EPS15: variants seen among roughly 807,000 people sequenced by gnomAD.
EPS15 encodes epidermal growth factor receptor substrate 15.
In EPS15, 72 loss-of-function variants were observed where a neutral mutation model predicts 113.8. The observed-to-expected ratio is 0.63, with a 90% confidence interval of 0.52 to 0.77. The LOEUF (loss-of-function observed/expected upper bound fraction) is 0.77. Among genes scored for constraint, EPS15 ranks in the 30% least tolerant of loss-of-function variants. The pLI is 0.00. For missense variants in EPS15, 1,048 were observed against 1,045.8 expected (o/e 1.00, Z -0.03); for synonymous variants, 344 against 363.4 (o/e 0.95, Z 0.61).
chr1:51,395,793 C>A (rs1047690621), intron 20 of EPS15, among the ~76,000 whole-genome samples: 5 of 152,126 alleles, frequency 3.3e-5, no homozygotes, highest in Admixed American at 6.5e-5. Context: ...AAAGACTTGG[C>A]AAACAGGTAA....
chr1:51,509,081 G>C (rs1052831101), intron 1 of EPS15, among the ~76,000 whole-genome samples: 3 of 152,024 alleles, frequency 2.0e-5, no homozygotes, highest in African/African-American at 7.2e-5. Context: ...GAAAGTCAGT[G>C]TTTATCTCCC....
chr1:51,473,832 A>C (rs963205912), intron 2 of EPS15, among the ~76,000 whole-genome samples: 1 of 152,232 alleles, frequency 6.6e-6, no homozygotes, highest in African/African-American at 2.4e-5. Flanking sequence ...GCAAAAGGGA[A>C]AACCTTTCTT....
At chr1:51,388,204 C>T (rs1371229364) in intron 21 of EPS15, among the ~76,000 whole-genome samples, 1 of 152,198 alleles carries the variant, frequency 6.6e-6, no homozygotes, top group African/African-American at 2.4e-5. Context: ...ACTGAACAAC[C>T]TGCTCCTGAA....
chr1:51,355,179 G>A lies in EPS15; in HGVS notation c.*1521C>T, dbSNP rs1449403151. On this transcript the variant is annotated 3_prime_UTR_variant, in exon 25 of 25. Coordinates refer to ENST00000371733, the MANE Select transcript of EPS15 (RefSeq NM_001981.3). ...AGTGGTTTAAAGTTTGTTTTAAACTGTAGGAGTCTAATTGTGTAATGGAAA... is the reference window on the plus strand; with the variant it reads ...AGTGGTTTAAAGTTTGTTTTAAACTATAGGAGTCTAATTGTGTAATGGAAA... The A allele has an allele frequency of 4.6e-6, 1 of 218,402 alleles. No homozygotes were observed. Among genetic ancestry groups the A allele is most frequent in the African/African-American group, 2.2e-5 (1 of 44,506 alleles). The allele number at this position is 218,402 out of a possible 1,614,324, so 13.5% of individuals were successfully genotyped here.
rs775586523 is a variant in EPS15 at position 51,356,809 on chromosome 1, C to T, written c.2582G>A (p.Arg861Lys). Residue 861 changes from arginine to lysine, a missense_variant, in exon 25 of 25, where the codon AGG becomes AAG. Transcript: ENST00000371733. Reference sequence around the variant, plus strand: ...CTGCTCTTCCTCTCTCTCACTTTCCCTCTTGGCCCATTCGATCATATCTTC... The same window carrying T: ...CTGCTCTTCCTCTCTCTCACTTTCCTTCTTGGCCCATTCGATCATATCTTC... ...SEEDMIEWAK[R>K]ESEREEEQRL... The T allele has an allele frequency of 1.2e-6, 2 of 1,613,808 alleles. No homozygotes were observed. The highest frequency in any genetic ancestry group is 2.2e-5 in the South Asian group (2 of 91,050).
intron 21 of EPS15, among the ~76,000 whole-genome samples, chr1:51,376,117 A>G (rs938788106): frequency 1.3e-5 from 2 of 152,224 alleles, no homozygotes; most frequent in African/African-American, 4.8e-5. Flanking sequence ...AGAGAAGTCA[A>G]TGTCTGGCTT....
At chr1:51,384,408 C>T (rs1325864328) in intron 21 of EPS15, among the ~76,000 whole-genome samples, 1 of 150,342 alleles carries the variant, frequency 6.7e-6, no homozygotes, top group Admixed American at 6.7e-5. Context: ...TCAAGTGATC[C>T]TCCCACCTCA....
At chr1:51,442,654 G>T (rs904128208) in intron 11 of EPS15, among the ~76,000 whole-genome samples, 2 of 152,120 alleles carry the variant, frequency 1.3e-5, no homozygotes, top group East Asian at 3.8e-4. Context: ...AGAGAGCCTA[G>T]GGAAGGCAGA....
At chr1:51,367,600 G>A (rs1320181929) in intron 21 of EPS15, among the ~76,000 whole-genome samples, 1 of 152,054 alleles carries the variant, frequency 6.6e-6, no homozygotes, top group Non-Finnish European at 1.5e-5. Flanking sequence ...ACAGGCCTGA[G>A]AAGTTGTTTC....
At chr1:51,395,321 A>T (rs775478741) in intron 20 of EPS15, among the ~76,000 whole-genome samples, 21 of 152,224 alleles carry the variant, frequency 1.4e-4, no homozygotes, top group Non-Finnish European at 3.1e-4. Context: ...AGATTTTATT[A>T]GATTTCACCA....
intron 1 of EPS15, among the ~76,000 whole-genome samples, chr1:51,504,799 G>A (rs1644469857): frequency 6.6e-6 from 1 of 152,146 alleles, no homozygotes; most frequent in African/African-American, 2.4e-5. Context: ...TACACTGCTG[G>A]TACAAATATA....
intron 1 of EPS15, among the ~76,000 whole-genome samples, chr1:51,495,101 A>G (rs563406150): frequency 6.6e-6 from 1 of 152,236 alleles, no homozygotes; most frequent in Non-Finnish European, 1.5e-5. Context: ...CTTTATAATC[A>G]TCTTAGTTCT....
In EPS15 at chr1:51,400,957, T is replaced by C; in HGVS notation, c.1883-4A>G. 1 of 1,576,978 alleles carries C rather than the reference T, an allele frequency of 6.3e-7. No homozygotes were observed. Among genetic ancestry groups the C allele is most frequent in the Admixed American group, 1.8e-5 (1 of 55,036 alleles). ...GGATCATCCTTGAAAGGATCACCTG[T>C]GATAAAATAAACACAAAGAAATCCA... is the stretch of plus-strand genomic sequence containing the variant. On this transcript the variant is annotated splice_polypyrimidine_tract_variant and splice_region_variant and intron_variant, in intron 18 of 24. Coordinates refer to ENST00000371733, the MANE Select transcript of EPS15 (RefSeq NM_001981.3).
At chr1:51,400,987 A>C (rs767152370) in intron 18 of EPS15, 34 bp from the exon 19 acceptor site, 35 of 1,454,146 alleles carry the variant, frequency 2.4e-5, no homozygotes, top group Non-Finnish European at 3.2e-5. Context: ...AATCCAAATA[A>C]CAATATTTAC....
At chr1:51,518,735 T>A (rs977927267) in intron 1 of EPS15, among the ~76,000 whole-genome samples, 1 of 151,870 alleles carries the variant, frequency 6.6e-6, no homozygotes, top group Non-Finnish European at 1.5e-5. Flanking sequence ...CAACTCCTAC[T>A]GGGGGCGGCG....
intron 1 of EPS15, among the ~76,000 whole-genome samples, chr1:51,508,290 A>AG (rs1557536788): frequency 2.2e-5 from 3 of 134,084 alleles, no homozygotes; most frequent in East Asian, 2.0e-4. Context: ...GAAAGAGAGA[A>AG]AGAGAGAGAG....
intron 2 of EPS15, among the ~76,000 whole-genome samples, chr1:51,474,402 A>G (rs1221874847): frequency 6.6e-6 from 1 of 152,228 alleles, no homozygotes; most frequent in African/African-American, 2.4e-5. Flanking sequence ...CTACTTTCAG[A>G]CCATATTGGT....
At chr1:51,475,364 C>G (rs147535109) in intron 2 of EPS15, among the ~76,000 whole-genome samples, 1 of 152,108 alleles carries the variant, frequency 6.6e-6, no homozygotes, top group African/African-American at 2.4e-5. Flanking sequence ...TTTTAATGAT[C>G]GCCATTCTAA....
At chr1:51,372,946 G>T (rs565406753) in intron 21 of EPS15, 1 of 589,590 alleles carries the variant, frequency 1.7e-6, no homozygotes, top group Admixed American at 3.2e-5. Context: ...TTAGCTGCAG[G>T]AAGTCTTCAA....
Sources: allele counts gnomAD v4.1 joint callset (sites outside exome capture counted in the v4.1 genomes callset), GRCh38; gene constraint gnomAD v4.1.1; transcripts MANE v1.5; gene names NCBI Gene and HGNC (gene_info 2026-07-23, HGNC 2026-07-21).